UBR3: variants seen among roughly 807,000 people sequenced by gnomAD.
UBR3 encodes E3 ubiquitin-protein ligase UBR3.
In UBR3, 85 loss-of-function variants were observed where a neutral mutation model predicts 243.2. The ratio of observed to expected loss-of-function variants is 0.35; its 90% CI spans 0.29 to 0.42. The LOEUF is 0.42. UBR3 is among the 10% of genes least tolerant of loss of function. The probability of loss-of-function intolerance (pLI) is 1.00; values close to 1 mark genes in which losing one functional copy is unlikely to be tolerated. For synonymous variants in UBR3, 748 were observed against 799.8 expected (o/e 0.94, Z 1.09); for missense variants, 1,686 against 2,300.8 (o/e 0.73, Z 5.47).
chr2:169,857,559 A>C (rs2082930369), intron 1 of UBR3, among the ~76,000 whole-genome samples: 1 of 150,190 alleles, frequency 6.7e-6, no homozygotes, highest in Admixed American at 6.6e-5. Flanking sequence ...TGGGATTACA[A>C]GTGCCTGCCA....
chr2:169,837,624 A>T (rs920645240), intron 1 of UBR3, among the ~76,000 whole-genome samples: 5 of 152,142 alleles, frequency 3.3e-5, no homozygotes, highest in Non-Finnish European at 7.3e-5. Context: ...GCAGGGGGGG[A>T]GAAGCGAGCA....
chr2:169,988,819 A>G (rs1378043595), intron 25 of UBR3, among the ~76,000 whole-genome samples: 1 of 152,128 alleles, frequency 6.6e-6, no homozygotes, highest in Admixed American at 6.6e-5. Context: ...AGAAAAAAAG[A>G]AACTGACATT....
chr2:169,831,127 A>ATATATATTT (rs1450878762), intron 1 of UBR3, among the ~76,000 whole-genome samples: 1 of 56,464 alleles, frequency 1.8e-5, no homozygotes, highest in Non-Finnish European at 2.8e-5. Flanking sequence ...ATATATATAT[A>ATATATATTT]TTTTTTTTTT....
chr2:170,049,456 T>G (rs2091166405), intron 32 of UBR3, among the ~76,000 whole-genome samples: 1 of 152,190 alleles, frequency 6.6e-6, no homozygotes, highest in Non-Finnish European at 1.5e-5. Context: ...AAACCCATCT[T>G]GTTACATAGT....
At chr2:170,080,781 A>T in intron 38 of UBR3, 97 bp downstream of exon 38, 1 of 1,320,656 alleles carries the variant, frequency 7.6e-7, no homozygotes, top group Non-Finnish European at 1.0e-6. Context: ...TTTTTTTAAT[A>T]TTAAGAAATT....
chr2:169,851,013 TA>T (rs919062663), intron 1 of UBR3, among the ~76,000 whole-genome samples: 3 of 152,328 alleles, frequency 2.0e-5, no homozygotes, highest in African/African-American at 7.2e-5. Flanking sequence ...GATTTTGCCT[TA>T]AAAAAATCTG....
chr2:170,004,284 A>G (rs2089825452), intron 27 of UBR3, among the ~76,000 whole-genome samples: 1 of 152,180 alleles, frequency 6.6e-6, no homozygotes, highest in African/African-American at 2.4e-5. Context: ...GGAAGAAGGA[A>G]TCAACGTGAT....
intron 24 of UBR3, among the ~76,000 whole-genome samples, chr2:169,980,330 A>G (rs191393574): frequency 7.9e-4 from 120 of 152,330 alleles, no homozygotes; most frequent in African/African-American, 2.6e-3. Context: ...ATGGAATTAT[A>G]TATGTATAAA....
rs151031689 is a variant in UBR3 at position 169,974,614 on chromosome 2, C to T, written c.3635-12031C>T. 2.2e-4 allele frequency among the ~76,000 whole-genome samples: 33 copies of T among 152,070 alleles called. No individual in the cohort carries two copies. In the East Asian group the frequency reaches 6.2e-3, roughly 28 times the overall value. ...TTATCTTTTCACAAAACCAGCCTTT[C>T]GTTTCATTGATCTTTTGCATTTTTT... On this transcript the variant is annotated intron_variant, in intron 24 of 38. Transcript: ENST00000272793.
At chr2:169,842,248 G>A (rs571238009) in intron 1 of UBR3, among the ~76,000 whole-genome samples, 33 of 152,222 alleles carry the variant, frequency 2.2e-4, no homozygotes, top group African/African-American at 7.7e-4. Context: ...CTCTCGTGGG[G>A]CCTTGGAGAA....
At chr2:169,916,105 G>A (rs1207114429) in intron 11 of UBR3, among the ~76,000 whole-genome samples, 1 of 152,032 alleles carries the variant, frequency 6.6e-6, no homozygotes, top group Admixed American at 6.6e-5. Flanking sequence ...CATTGCTATT[G>A]GGGTATCACT....
At chr2:169,869,835 C>A (rs1053926675) in intron 1 of UBR3, among the ~76,000 whole-genome samples, 2 of 152,120 alleles carry the variant, frequency 1.3e-5, no homozygotes, top group African/African-American at 4.8e-5. Flanking sequence ...TTGTTCATGA[C>A]CTTGCTTGAT....
chr2:169,968,575 C>T (rs2087934910), intron 24 of UBR3, among the ~76,000 whole-genome samples: 1 of 152,148 alleles, frequency 6.6e-6, no homozygotes, highest in Non-Finnish European at 1.5e-5. Context: ...CACACACACA[C>T]CCACCACATT....
intron 1 of UBR3, among the ~76,000 whole-genome samples, chr2:169,848,559 T>C (rs191861346): frequency 1.3e-5 from 2 of 152,050 alleles, no homozygotes; most frequent in East Asian, 3.8e-4. Context: ...GTGAACTTTC[T>C]TTCATATATG....
intron 22 of UBR3, among the ~76,000 whole-genome samples, chr2:169,949,210 A>G (rs1045069282): frequency 3.9e-5 from 6 of 152,070 alleles, no homozygotes; most frequent in Non-Finnish European, 1.5e-5. Context: ...CTTAACTGGA[A>G]ACTTTAGCAG....
chr2:169,946,002 G>A (rs1445082000), intron 20 of UBR3, among the ~76,000 whole-genome samples: 1 of 152,122 alleles, frequency 6.6e-6, no homozygotes, highest in African/African-American at 2.4e-5. Flanking sequence ...ACATTTGCAT[G>A]GATTATCCTA....
At chr2:169,913,077 C>A (rs1276291629) in intron 10 of UBR3, among the ~76,000 whole-genome samples, 1 of 152,188 alleles carries the variant, frequency 6.6e-6, no homozygotes, top group African/African-American at 2.4e-5. Flanking sequence ...GCCACTGTGC[C>A]CAGCTGCAAA....
At chr2:169,994,499 A>G in intron 26 of UBR3, 43 bp downstream of exon 26, 1 of 1,567,348 alleles carries the variant, frequency 6.4e-7, no homozygotes, top group African/African-American at 1.3e-5. Flanking sequence ...TGCCAAGTTG[A>G]TGGTTATTTC....
intron 10 of UBR3, among the ~76,000 whole-genome samples, chr2:169,908,786 G>A (rs528290340): frequency 1.1e-4 from 16 of 151,566 alleles, no homozygotes; most frequent in African/African-American, 3.9e-4. Context: ...GAGATAAGAG[G>A]GAATAGCCTA....
Sources: gnomAD v4.1 joint callset for allele counts (sites outside exome capture counted in the v4.1 genomes callset) on GRCh38, gnomAD v4.1.1 for gene constraint, MANE v1.5 for transcripts, NCBI Gene and HGNC (gene_info 2026-07-23, HGNC 2026-07-21) for gene names.